CTNNA2: variants seen among roughly 807,000 people sequenced by gnomAD.
The protein encoded by CTNNA2 is catenin alpha-2.
CTNNA2 carries 42 observed loss-of-function variants against 101.0 expected under a neutral mutation model. The ratio of observed to expected loss-of-function variants is 0.42; its 90% CI spans 0.32 to 0.54. The LOEUF (loss-of-function observed/expected upper bound fraction) is 0.54. CTNNA2 is among the 20% of genes least tolerant of loss of function. CTNNA2 has a pLI of 0.14. For synonymous variants in CTNNA2, 450 were observed against 456.4 expected (o/e 0.99, Z 0.18); for missense variants, 871 against 1,223.1 (o/e 0.71, Z 4.29).
At chr2:79,273,681 T>G (rs1024568349) in intron 2 of CTNNA2, among the ~76,000 whole-genome samples, 1 of 152,176 alleles carries the variant, frequency 6.6e-6, no homozygotes, top group African/African-American at 2.4e-5. Flanking sequence ...ATGTTAGTTC[T>G]GTTTAGAAAT....
chr2:80,503,342 A>C (rs1688023030), intron 9 of CTNNA2, among the ~76,000 whole-genome samples: 1 of 152,186 alleles, frequency 6.6e-6, no homozygotes, highest in Non-Finnish European at 1.5e-5. Flanking sequence ...CATAGCTTAG[A>C]TGTTTTCCGC....
chr2:79,406,685 T>C (rs918898396), intron 4 of CTNNA2, among the ~76,000 whole-genome samples: 4 of 152,036 alleles, frequency 2.6e-5, no homozygotes, highest in African/African-American at 9.7e-5. Flanking sequence ...TCATTTATTT[T>C]AAATCTGCTA....
intron 6 of CTNNA2, among the ~76,000 whole-genome samples, chr2:79,899,954 T>C (rs1047511791): frequency 6.6e-6 from 1 of 152,192 alleles, no homozygotes; most frequent in African/African-American, 2.4e-5. Context: ...ATGAAAAAGA[T>C]GAAAATGTAT....
intron 7 of CTNNA2, among the ~76,000 whole-genome samples, chr2:80,033,691 A>G (rs1204800666): frequency 6.6e-6 from 1 of 152,224 alleles, no homozygotes; most frequent in Non-Finnish European, 1.5e-5. Flanking sequence ...ATACCGTATA[A>G]GAAGATTAAT....
intron 4 of CTNNA2, among the ~76,000 whole-genome samples, chr2:79,862,655 G>A (rs143220469): frequency 6.5e-4 from 99 of 152,038 alleles, no homozygotes; most frequent in African/African-American, 2.4e-3. Context: ...TATTTATTAG[G>A]TGCTGACCAT....
chr2:80,025,180 G>A (rs913354369), intron 7 of CTNNA2, among the ~76,000 whole-genome samples: 1 of 152,140 alleles, frequency 6.6e-6, no homozygotes, highest in African/African-American at 2.4e-5. Context: ...TGGGTACAGG[G>A]TGGGTAGCGG....
chr2:80,052,958 C>CT (rs1182499357), intron 7 of CTNNA2, among the ~76,000 whole-genome samples: 12 of 152,122 alleles, frequency 7.9e-5, no homozygotes, highest in Admixed American at 6.5e-4. Context: ...GACTTTATAT[C>CT]TTTTTCTTTT....
At position 80,303,011 on chromosome 2, in the gene CTNNA2, T is replaced by C. The variant is rs1387654091; in HGVS notation, c.1057-90200T>C. On this transcript the variant is annotated intron_variant, in intron 7 of 18. Transcript: ENST00000402739. This position sits in a 1 kb window ranked among gnomAD's most constrained non-coding sequence, Gnocchi z 7.7. ...GGTCTCGAACACATGGGGCTCCATGTACTCGATCTCGTTGCCCGACAAGTC... is the reference window on the plus strand; with the variant it reads ...GGTCTCGAACACATGGGGCTCCATGCACTCGATCTCGTTGCCCGACAAGTC... 1 of 1,613,720 alleles carries C rather than the reference T, an allele frequency of 6.2e-7. No individual in the cohort carries two copies. Among genetic ancestry groups the C allele is most frequent in the Admixed American group, 1.7e-5 (1 of 59,960 alleles).
intron 2 of CTNNA2, among the ~76,000 whole-genome samples, chr2:79,286,812 A>G (rs1675605173): frequency 6.6e-6 from 1 of 151,944 alleles, no homozygotes; most frequent in East Asian, 1.9e-4. Context: ...GCCTTGCTAG[A>G]TTGGGGAAGT....
At chr2:79,493,099 C>T (rs1418815162) in intron 4 of CTNNA2, among the ~76,000 whole-genome samples, 4 of 152,066 alleles carry the variant, frequency 2.6e-5, no homozygotes, top group Non-Finnish European at 5.9e-5. Flanking sequence ...CAGGGTTAAG[C>T]CTCTAAAATG....
chr2:80,058,325 T>G (rs2104365836), intron 7 of CTNNA2, among the ~76,000 whole-genome samples: 1 of 152,348 alleles, frequency 6.6e-6, no homozygotes, highest in South Asian at 2.1e-4. Flanking sequence ...TAGTTTTCAT[T>G]AATCCCATTT....
At chr2:79,329,848 T>A (rs1676830982) in intron 3 of CTNNA2, among the ~76,000 whole-genome samples, 1 of 152,220 alleles carries the variant, frequency 6.6e-6, no homozygotes, top group African/African-American at 2.4e-5. Context: ...CTTGCTTTTC[T>A]TATCTACAAG....
intron 7 of CTNNA2, among the ~76,000 whole-genome samples, chr2:80,060,970 A>C (rs1697561755): frequency 6.6e-6 from 1 of 152,064 alleles, no homozygotes; most frequent in Admixed American, 6.5e-5. Context: ...GGGCCACCCC[A>C]GCTGAGAACT....
intron 1 of CTNNA2, among the ~76,000 whole-genome samples, chr2:79,595,534 C>T (rs1677132370): frequency 6.6e-6 from 1 of 152,140 alleles, no homozygotes; most frequent in Non-Finnish European, 1.5e-5. Context: ...CCTGCACTAT[C>T]AACCCAAATA....
At chr2:80,318,854 G>A (rs557109492) in intron 7 of CTNNA2, among the ~76,000 whole-genome samples, 1 of 152,258 alleles carries the variant, frequency 6.6e-6, no homozygotes, top group Non-Finnish European at 1.5e-5. Context: ...CCCTTGGTAA[G>A]CCAATTCTCT....
chr2:80,029,172 C>T (rs1695131616), intron 7 of CTNNA2, among the ~76,000 whole-genome samples: 1 of 152,200 alleles, frequency 6.6e-6, no homozygotes, highest in African/African-American at 2.4e-5. Flanking sequence ...ACGATTACTA[C>T]TACTGCATTT....
chr2:79,402,369 C>T lies in CTNNA2; in HGVS notation c.-135+28356C>T, dbSNP rs769746296. ...AAAACTGCAAAATACGCAATAGTCC[C>T]CTTTATCTGCAGGGGATGTGTCTCA... is the stretch of plus-strand genomic sequence containing the variant. On this transcript the variant is annotated intron_variant, in intron 4 of 21. Transcript: ENST00000466387. 4.6e-5 allele frequency among the ~76,000 whole-genome samples: 7 copies of T among 151,854 alleles called. No individual in the cohort carries two copies. The South Asian group carries it at 1.5e-3, about 32-fold the overall frequency.
intron 1 of CTNNA2, among the ~76,000 whole-genome samples, chr2:79,554,123 A>G (rs17713651): frequency 0.048 from 7,349 of 152,174 alleles, 248 homozygotes; most frequent in Non-Finnish European, 0.071. Context: ...CTTTGTCTCC[A>G]TTTAGCCAAG....
intron 2 of CTNNA2, among the ~76,000 whole-genome samples, chr2:79,694,248 C>G (rs1684507083): frequency 6.6e-6 from 1 of 151,830 alleles, no homozygotes; most frequent in Admixed American, 6.6e-5. Flanking sequence ...TTCATAACAT[C>G]TTTTTATGCT....
Sources: gnomAD v4.1 joint callset for allele counts (sites outside exome capture counted in the v4.1 genomes callset) on GRCh38, gnomAD v4.1.1 for gene constraint, Gnocchi (gnomAD v3.1) non-coding constraint, MANE v1.5 for transcripts, NCBI Gene and HGNC (gene_info 2026-07-23, HGNC 2026-07-21) for gene names.